The following RSPO2 variants were observed in gnomAD, a reference collection of about 807,000 sequenced individuals.
RSPO2 encodes R-spondin 2.
Under a neutral mutation model 30.9 loss-of-function variants are expected in RSPO2, and 14 were observed. The ratio of observed to expected loss-of-function variants is 0.45; its 90% CI spans 0.30 to 0.71. The LOEUF (loss-of-function observed/expected upper bound fraction) is 0.71. Ranked by LOEUF, RSPO2 falls within the 30% of genes least tolerant of loss-of-function variation. RSPO2 has a pLI of 0.08. For missense variants in RSPO2, 264 were observed against 301.9 expected, an observed-to-expected ratio of 0.87 and a Z score of 0.93; for synonymous variants, 107 against 96.4, an observed-to-expected ratio of 1.11 and a Z score of -0.64.
At chr8:107,947,602 T>C (rs1368959344) in intron 5 of RSPO2, among the ~76,000 whole-genome samples, 3 of 152,172 alleles carry the variant, frequency 2.0e-5, no homozygotes, top group South Asian at 4.1e-4. Flanking sequence ...AAGTATTCTC[T>C]GCTAATTCTC....
intron 5 of RSPO2, among the ~76,000 whole-genome samples, chr8:107,903,449 G>A (rs1479403365): frequency 6.6e-6 from 1 of 151,948 alleles, no homozygotes; most frequent in African/African-American, 2.4e-5. Flanking sequence ...ATTTTAAGAT[G>A]GTCAATTTCG....
At chr8:108,062,320 A>C (rs1048744676) in intron 2 of RSPO2, among the ~76,000 whole-genome samples, 1 of 151,842 alleles carries the variant, frequency 6.6e-6, no homozygotes, top group Non-Finnish European at 1.5e-5. Flanking sequence ...AGAGAGAAGA[A>C]TCAAATAGAT....
chr8:107,949,018 G>GT (rs200546468), intron 5 of RSPO2, among the ~76,000 whole-genome samples: 273 of 149,822 alleles, frequency 1.8e-3, no homozygotes, highest in Admixed American at 6.2e-3. Context: ...ACCTGGGGAG[G>GT]TTTTTCCCCC....
intron 4 of RSPO2, among the ~76,000 whole-genome samples, chr8:107,960,012 TA>T (rs1813571719): frequency 6.6e-6 from 1 of 152,128 alleles, no homozygotes; most frequent in African/African-American, 2.4e-5. Flanking sequence ...CATCCATGAT[TA>T]GATTAAGAGA....
At chr8:108,067,282 T>C (rs1405687271) in intron 2 of RSPO2, among the ~76,000 whole-genome samples, 2 of 152,208 alleles carry the variant, frequency 1.3e-5, no homozygotes, top group African/African-American at 4.8e-5. Context: ...ATCCATTACA[T>C]ACCGATTATT....
chr8:107,902,206 C>T (rs1811499151), intron 5 of RSPO2, among the ~76,000 whole-genome samples: 2 of 152,054 alleles, frequency 1.3e-5, no homozygotes, highest in Non-Finnish European at 1.5e-5. Context: ...AGTAAGTCAC[C>T]CCTACACACC....
intron 5 of RSPO2, among the ~76,000 whole-genome samples, chr8:107,925,770 C>T (rs939866284): frequency 3.4e-4 from 51 of 152,092 alleles, no homozygotes; most frequent in Non-Finnish European, 5.3e-4. Context: ...TTCCATGGTG[C>T]ATATGTGCCA....
intron 5 of RSPO2, among the ~76,000 whole-genome samples, chr8:107,921,437 C>T (rs1220210742): frequency 1.3e-5 from 2 of 152,052 alleles, no homozygotes; most frequent in East Asian, 1.9e-4. Context: ...GTTATTCTTA[C>T]ATGGATTACT....
Position 108,047,562 on chromosome 8 carries a change from C to T in RSPO2, c.94+34983G>A, listed in dbSNP as rs970928262. Among the ~76,000 whole-genome samples, 3 of 152,080 alleles carry T rather than the reference C, an allele frequency of 2.0e-5. No individual in the cohort carries two copies. The South Asian group carries it at 6.2e-4, about 32-fold the overall frequency. ...ATTGAAGTGGATGCCTTTTGGAAGCCTGTGGTCAGGCATGGTGGCTCATGC... is the reference window on the plus strand; with the variant it reads ...ATTGAAGTGGATGCCTTTTGGAAGCTTGTGGTCAGGCATGGTGGCTCATGC... On this transcript the variant is annotated intron_variant, in intron 2 of 5. Coordinates refer to ENST00000276659, the MANE Select transcript of RSPO2 (RefSeq NM_178565.5).
intron 2 of RSPO2, among the ~76,000 whole-genome samples, chr8:108,024,987 C>G (rs1014966156): frequency 1.3e-5 from 2 of 152,124 alleles, no homozygotes; most frequent in Non-Finnish European, 2.9e-5. Flanking sequence ...CCACTGTACT[C>G]CAGTCTGGGT....
chr8:107,909,267 T>G (rs1811748291), intron 5 of RSPO2, among the ~76,000 whole-genome samples: 3 of 149,672 alleles, frequency 2.0e-5, no homozygotes. Flanking sequence ...TTGTTTTTTT[T>G]TTTTTTTTTT....
At chr8:108,024,684 T>C (rs912575505) in intron 2 of RSPO2, among the ~76,000 whole-genome samples, 1 of 152,148 alleles carries the variant, frequency 6.6e-6, no homozygotes, top group African/African-American at 2.4e-5. Context: ...TTCTGATCTT[T>C]AGAATCATGT....
At chr8:108,045,446 T>A (rs1296952897) in intron 2 of RSPO2, among the ~76,000 whole-genome samples, 1 of 152,098 alleles carries the variant, frequency 6.6e-6, no homozygotes, top group Non-Finnish European at 1.5e-5. Context: ...AACATTAATG[T>A]TTTTATTAGA....
intron 2 of RSPO2, among the ~76,000 whole-genome samples, chr8:108,015,272 A>G (rs1810847401): frequency 6.6e-6 from 1 of 152,192 alleles, no homozygotes; most frequent in African/African-American, 2.4e-5. Flanking sequence ...AACCCATATC[A>G]CCATTCTCCT....
intron 3 of RSPO2, among the ~76,000 whole-genome samples, chr8:107,972,253 C>A (rs1417535835): frequency 6.6e-6 from 1 of 151,724 alleles, no homozygotes; most frequent in Non-Finnish European, 1.5e-5. Context: ...TCAAGTGATT[C>A]TCATGCCTCA....
chr8:108,007,193 T>C (rs1362937726), intron 2 of RSPO2, among the ~76,000 whole-genome samples: 1 of 152,178 alleles, frequency 6.6e-6, no homozygotes, highest in Non-Finnish European at 1.5e-5. Context: ...TCCTCCACTA[T>C]TTTTTGCCTC....
chr8:107,914,117 A>G (rs940285535), intron 5 of RSPO2, among the ~76,000 whole-genome samples: 1 of 152,164 alleles, frequency 6.6e-6, no homozygotes, highest in African/African-American at 2.4e-5. Flanking sequence ...CATTACCTGG[A>G]GATTGACATA....
At chr8:107,996,612 A>G (rs1196580184) in intron 2 of RSPO2, among the ~76,000 whole-genome samples, 3 of 152,220 alleles carry the variant, frequency 2.0e-5, no homozygotes, top group Admixed American at 1.3e-4. Context: ...ATCACATGCT[A>G]AAGTTGAAGC....
chr8:108,076,018 G>C (rs1422226998), intron 2 of RSPO2, among the ~76,000 whole-genome samples: 2 of 152,156 alleles, frequency 1.3e-5, no homozygotes, highest in Non-Finnish European at 2.9e-5. Flanking sequence ...AGTCCTTTAA[G>C]AATAGCCCAG....
Sources: gnomAD v4.1 joint callset for allele counts (sites outside exome capture counted in the v4.1 genomes callset) on GRCh38, gnomAD v4.1.1 for gene constraint, MANE v1.5 for transcripts, NCBI Gene and HGNC (gene_info 2026-07-23, HGNC 2026-07-21) for gene names.